ROBO1: variants seen among roughly 807,000 people sequenced by gnomAD.
The protein encoded by ROBO1 is roundabout homolog 1.
ROBO1 carries 149 observed loss-of-function variants against 195.9 expected under a neutral mutation model. The observed-to-expected ratio is 0.76, with a 90% CI of 0.67 to 0.87. The LOEUF is 0.87. ROBO1 is among the 40% of genes least tolerant of loss of function. The probability of loss-of-function intolerance (pLI) is 0.00; values close to 1 mark genes in which losing one functional copy is unlikely to be tolerated. For synonymous variants in ROBO1, 816 were observed against 733.2 expected, an observed-to-expected ratio of 1.11 and a Z score of -1.82; for missense variants, 1,933 against 2,068.3, an observed-to-expected ratio of 0.93 and a Z score of 1.27.
At chr3:79,683,824 C>T (rs1409266192) in intron 1 of ROBO1, among the ~76,000 whole-genome samples, 1 of 152,026 alleles carries the variant, frequency 6.6e-6, no homozygotes, top group Non-Finnish European at 1.5e-5. Context: ...TTTGGATATA[C>T]TGTATACTGT....
At position 78,871,803 on chromosome 3, in the gene ROBO1, C is replaced by G. The variant is rs145103056; in HGVS notation, c.499+66798G>C. Among the ~76,000 whole-genome samples the G allele has an allele frequency of 8.9e-3, 1,315 of 147,808 alleles. 24 individuals are homozygous for G. The highest frequency in any genetic ancestry group is 0.028 in the African/African-American group (1,138 of 40,098). On this transcript the variant is annotated intron_variant, in intron 4 of 30. Coordinates refer to ENST00000464233, the MANE Select transcript of ROBO1 (RefSeq NM_002941.4). ...GTTTCTGGTTTTATAAAAAAGTAAC[C>G]AACTAATGAAAAATTTTGGTCTGAC...
chr3:79,223,110 T>C (rs1008409118), intron 2 of ROBO1, among the ~76,000 whole-genome samples: 1 of 152,166 alleles, frequency 6.6e-6, no homozygotes, highest in Admixed American at 6.5e-5. Flanking sequence ...ATCTGCCTTC[T>C]GAATTTCCTG....
At chr3:79,395,958 G>C (rs1012037002) in intron 2 of ROBO1, among the ~76,000 whole-genome samples, 1 of 151,988 alleles carries the variant, frequency 6.6e-6, no homozygotes, top group African/African-American at 2.4e-5. Flanking sequence ...CAGTTTCTAA[G>C]GAAGGACATG....
intron 3 of ROBO1, among the ~76,000 whole-genome samples, chr3:79,013,787 A>G (rs2077849656): frequency 6.6e-6 from 1 of 152,200 alleles, no homozygotes; most frequent in African/African-American, 2.4e-5. Flanking sequence ...TGAGCATTAA[A>G]TAAGATAATG....
chr3:78,700,956 G>T (rs571630684), intron 8 of ROBO1, among the ~76,000 whole-genome samples: 1 of 152,036 alleles, frequency 6.6e-6, no homozygotes, highest in South Asian at 2.1e-4. Context: ...TAGAGATGGG[G>T]TTTTGCCATG....
chr3:79,717,231 C>T (rs1362107925), intron 1 of ROBO1, among the ~76,000 whole-genome samples: 7 of 151,370 alleles, frequency 4.6e-5, no homozygotes, highest in Non-Finnish European at 8.8e-5. Context: ...GAATTTAGAG[C>T]TCAGAATAGT....
intron 2 of ROBO1, among the ~76,000 whole-genome samples, chr3:79,280,107 G>A (rs1389368190): frequency 6.6e-6 from 1 of 152,124 alleles, no homozygotes; most frequent in East Asian, 1.9e-4. Flanking sequence ...GTAGGCAGAA[G>A]ATAGGGATAG....
intron 25 of ROBO1, among the ~76,000 whole-genome samples, chr3:78,627,875 C>T (rs1423658879): frequency 1.3e-5 from 2 of 151,880 alleles, no homozygotes; most frequent in Non-Finnish European, 2.9e-5. Context: ...TTTGTCCCTC[C>T]AATATGTTCT....
intron 2 of ROBO1, among the ~76,000 whole-genome samples, chr3:79,380,824 C>T (rs2036543372): frequency 6.6e-6 from 1 of 152,088 alleles, no homozygotes; most frequent in African/African-American, 2.4e-5. Context: ...AATTCTGAGT[C>T]AAAGCCTTAA....
intron 4 of ROBO1, among the ~76,000 whole-genome samples, chr3:78,908,471 T>G (rs2038058309): frequency 6.6e-6 from 1 of 151,936 alleles, no homozygotes; most frequent in South Asian, 2.1e-4. Flanking sequence ...TACTGGAGAT[T>G]ACCAATCAGT....
At chr3:79,550,179 GAAAGAAAGAAAGAAAGGAAAAGAAAA>G (rs1191583455) in intron 2 of ROBO1, among the ~76,000 whole-genome samples, 1 of 86,094 alleles carries the variant, frequency 1.2e-5, no homozygotes, top group African/African-American at 7.6e-5. Context: ...AAGAAAGAAA[GAAAGAAAGAAAGAAAGGAAAAGAAAA>G]GAAAAGAAAA....
intron 1 of ROBO1, among the ~76,000 whole-genome samples, chr3:79,700,288 C>CATGTGT (rs1553793249): frequency 6.8e-6 from 1 of 147,648 alleles, no homozygotes; most frequent in African/African-American, 2.5e-5. Context: ...GTGATGAACA[C>CATGTGT]GTGTGTGTGT....
chr3:79,218,448 T>A (rs2082087571), intron 2 of ROBO1, among the ~76,000 whole-genome samples: 1 of 151,992 alleles, frequency 6.6e-6, no homozygotes, highest in South Asian at 2.1e-4. Context: ...AAACTGGTAC[T>A]AACTACCACA....
intron 4 of ROBO1, among the ~76,000 whole-genome samples, chr3:78,923,060 C>A (rs77573860): frequency 0.035 from 5,297 of 152,048 alleles, 145 homozygotes; most frequent in African/African-American, 0.085. Flanking sequence ...AATAGTTATC[C>A]AATTATGCAA....
At chr3:78,945,519 A>G (rs983917586) in intron 3 of ROBO1, among the ~76,000 whole-genome samples, 2 of 152,174 alleles carry the variant, frequency 1.3e-5, no homozygotes, top group Non-Finnish European at 2.9e-5. Flanking sequence ...ACCCATCTGT[A>G]CCTCACCATC....
intron 2 of ROBO1, among the ~76,000 whole-genome samples, chr3:79,426,219 A>G (rs968504782): frequency 1.3e-5 from 2 of 152,148 alleles, no homozygotes; most frequent in African/African-American, 4.8e-5. Context: ...ATGAGAGGAG[A>G]AAAGATTCAA....
intron 2 of ROBO1, among the ~76,000 whole-genome samples, chr3:79,238,304 C>T (rs749113826): frequency 1.2e-4 from 18 of 152,146 alleles, no homozygotes; most frequent in South Asian, 4.1e-4. Flanking sequence ...AAAATATTAC[C>T]GCTATCCCAT....
chr3:79,745,922 G>A (rs976809209), intron 1 of ROBO1, among the ~76,000 whole-genome samples: 1 of 151,908 alleles, frequency 6.6e-6, no homozygotes, highest in Admixed American at 6.6e-5. Flanking sequence ...ATAATTATAT[G>A]TTCTCTTCAC....
chr3:78,872,215 T>TC (rs1246261624), intron 4 of ROBO1, among the ~76,000 whole-genome samples: 2 of 152,160 alleles, frequency 1.3e-5, no homozygotes, highest in Admixed American at 1.3e-4. Context: ...GTTCTGACCA[T>TC]CCCCCTCCAT....
Sources: gnomAD v4.1 joint callset for allele counts (sites outside exome capture counted in the v4.1 genomes callset) on GRCh38, gnomAD v4.1.1 for gene constraint, MANE v1.5 for transcripts, NCBI Gene and HGNC (gene_info 2026-07-23, HGNC 2026-07-21) for gene names.